INPP4B: variants seen among roughly 807,000 people sequenced by gnomAD.
INPP4B encodes the protein inositol polyphosphate 4-phosphatase type II.
In INPP4B, 55 loss-of-function variants were observed where a neutral mutation model predicts 122.5. The ratio of observed to expected loss-of-function variants is 0.45; its 90% CI spans 0.36 to 0.56. INPP4B has a LOEUF of 0.56. Ranked by LOEUF, INPP4B falls within the 20% of genes least tolerant of loss-of-function variation. INPP4B has a pLI of 0.00. For synonymous variants in INPP4B, 403 were observed against 388.7 expected, an observed-to-expected ratio of 1.04 and a Z score of -0.43; for missense variants, 1,000 against 1,097.7, an observed-to-expected ratio of 0.91 and a Z score of 1.26.
chr4:142,501,004 G>T (rs1408820197), intron 2 of INPP4B, among the ~76,000 whole-genome samples: 1 of 152,164 alleles, frequency 6.6e-6, no homozygotes, highest in South Asian at 2.1e-4. Context: ...TTAAACATTT[G>T]TTAAAAGAGT....
chr4:142,294,235 C>A (rs1757606611), intron 9 of INPP4B, among the ~76,000 whole-genome samples: 1 of 152,132 alleles, frequency 6.6e-6, no homozygotes, highest in African/African-American at 2.4e-5. Flanking sequence ...TAAAACCTCA[C>A]TGGAAGCAGT....
chr4:142,512,668 T>C (rs562974622), intron 2 of INPP4B, among the ~76,000 whole-genome samples: 5 of 152,272 alleles, frequency 3.3e-5, no homozygotes, highest in African/African-American at 9.6e-5. Context: ...ACTTTAGTCG[T>C]CGTCATCATC....
chr4:142,492,281 A>T (rs1821979505), intron 2 of INPP4B, among the ~76,000 whole-genome samples: 1 of 152,098 alleles, frequency 6.6e-6, no homozygotes, highest in East Asian at 1.9e-4. Flanking sequence ...GAGCAGTGTG[A>T]GATTGGTACC....
At chr4:142,429,008 T>C (rs1219401668) in intron 5 of INPP4B, among the ~76,000 whole-genome samples, 165 bp downstream of exon 5, 1 of 151,414 alleles carries the variant, frequency 6.6e-6, no homozygotes. Flanking sequence ...TTAATTCCTA[T>C]AAATTTGGAG....
At chr4:142,155,170 T>C (rs1249920606) in intron 17 of INPP4B, among the ~76,000 whole-genome samples, 2 of 152,064 alleles carry the variant, frequency 1.3e-5, no homozygotes, top group Non-Finnish European at 2.9e-5. Flanking sequence ...CATAGATTAA[T>C]ATCAAGGAGT....
chr4:142,568,554 C>T (rs922920746), intron 2 of INPP4B, among the ~76,000 whole-genome samples: 6 of 151,898 alleles, frequency 4.0e-5, no homozygotes, highest in African/African-American at 1.5e-4. Context: ...TCTAAGTATC[C>T]AAAGAAGTTA....
intron 3 of INPP4B, among the ~76,000 whole-genome samples, chr4:142,431,991 T>A (rs1809429740): frequency 6.6e-6 from 1 of 152,052 alleles, no homozygotes; most frequent in Non-Finnish European, 1.5e-5. Context: ...AAAGAATGAA[T>A]CATTCTTCTA....
At chr4:142,407,441 G>A (rs1468178197) in intron 5 of INPP4B, among the ~76,000 whole-genome samples, 1 of 152,020 alleles carries the variant, frequency 6.6e-6, no homozygotes, top group Non-Finnish European at 1.5e-5. Context: ...ATGAGCAGCT[G>A]TTCTCCATTT....
At chr4:142,365,008 A>G (rs1238303841) in intron 7 of INPP4B, among the ~76,000 whole-genome samples, 3 of 152,110 alleles carry the variant, frequency 2.0e-5, no homozygotes. Context: ...CTCCCAAGTG[A>G]GGTAAGAATA....
intron 1 of INPP4B, among the ~76,000 whole-genome samples, chr4:142,728,641 T>C (rs1009297867): frequency 6.6e-6 from 1 of 152,004 alleles, no homozygotes; most frequent in African/African-American, 2.4e-5. Context: ...CAGAGTGCCA[T>C]ATGACAAGAC....
intron 23 of INPP4B, among the ~76,000 whole-genome samples, chr4:142,100,155 G>T (rs560496437): frequency 2.7e-4 from 41 of 152,062 alleles, no homozygotes; most frequent in Non-Finnish European, 5.0e-4. Context: ...TTCCCATTCT[G>T]CTCTTTATCA....
At chr4:142,184,460 G>T (rs1561411796) in intron 15 of INPP4B, among the ~76,000 whole-genome samples, 1 of 152,110 alleles carries the variant, frequency 6.6e-6, no homozygotes, top group Admixed American at 6.6e-5. Flanking sequence ...TCCACAAAAA[G>T]TCTCTGTGTC....
chr4:142,398,857 G>T (rs1163545440), intron 7 of INPP4B, among the ~76,000 whole-genome samples: 1 of 151,988 alleles, frequency 6.6e-6, no homozygotes, highest in Non-Finnish European at 1.5e-5. Context: ...CCTGAGAAAC[G>T]CTCGGTGTCT....
chr4:142,192,333 T>TAAAAAAAAAAAAA (rs71586265), intron 15 of INPP4B, among the ~76,000 whole-genome samples: 5 of 8,956 alleles, frequency 5.6e-4, no homozygotes, highest in African/African-American at 6.8e-4. Context: ...AATCTAAAAG[T>TAAAAAAAAAAAAA]AAAAAAAAAA....
intron 15 of INPP4B, 90 bp downstream of exon 15, chr4:142,192,997 A>G (rs1056753777): frequency 1.3e-5 from 10 of 741,358 alleles, no homozygotes; most frequent in African/African-American, 6.9e-5. Context: ...AGAACTATAC[A>G]TTGTGATGGA....
intron 7 of INPP4B, among the ~76,000 whole-genome samples, chr4:142,366,569 C>T (rs953762221): frequency 3.3e-5 from 5 of 152,044 alleles, no homozygotes; most frequent in Admixed American, 2.6e-4. Context: ...CAAATCGTCA[C>T]CAATAATCTA....
Position 142,170,577 on chromosome 4 carries a change from C to T in INPP4B, c.1359+3055G>A, listed in dbSNP as rs559580612. On this transcript the variant is annotated intron_variant, in intron 16 of 25. Coordinates refer to ENST00000262992, the MANE Select transcript of INPP4B (RefSeq NM_001101669.3). ...TCCTCAACTGTGTAAACTAAGGCTA[C>T]TCACAATACTTACTTCATAGAATTA... 6.6e-5 allele frequency among the ~76,000 whole-genome samples: 10 copies of T among 151,738 alleles called. No individual in the cohort carries two copies. In the South Asian group the frequency reaches 1.7e-3, roughly 25 times the overall value.
chr4:142,471,678 G>A (rs992843017), intron 2 of INPP4B, among the ~76,000 whole-genome samples: 2 of 152,216 alleles, frequency 1.3e-5, no homozygotes, highest in African/African-American at 2.4e-5. Flanking sequence ...TGTAGGCAGA[G>A]ATACCTGTGC....
Position 142,025,626 on chromosome 4 carries a change from C to G in INPP4B, c.*3156G>C, listed in dbSNP as rs927925367. 1 of 152,092 alleles carries G rather than the reference C, an allele frequency of 6.6e-6. No individual in the cohort carries two copies. The highest frequency in any genetic ancestry group is 2.4e-5 in the African/African-American group (1 of 41,420). The allele number at this position is 152,092 out of a possible 1,614,324, so 9.4% of individuals were successfully genotyped here. A position where few individuals can be genotyped will look rare whatever the true frequency, so the allele number is the denominator to read the frequency against. ...TACTTTATACACATCAGTTTCTCTC[C>G]TTTTTTACCTCTTATTTTATGTAAA... On this transcript the variant is annotated 3_prime_UTR_variant, in exon 26 of 26. Transcript: ENST00000262992.
Sources: gnomAD v4.1 joint callset for allele counts (sites outside exome capture counted in the v4.1 genomes callset) on GRCh38, gnomAD v4.1.1 for gene constraint, MANE v1.5 for transcripts, NCBI Gene and HGNC (gene_info 2026-07-23, HGNC 2026-07-21) for gene names.